TRAK1: variants seen among roughly 807,000 people sequenced by gnomAD.
TRAK1 encodes the protein trafficking kinesin protein 1.
TRAK1 carries 33 observed loss-of-function variants against 92.1 expected under a neutral mutation model. That is an observed-to-expected ratio of 0.36 (90% CI 0.27 to 0.48). The LOEUF is 0.48. Among genes scored for constraint, TRAK1 ranks in the 20% least tolerant of loss-of-function variants. The pLI is 0.99. For synonymous variants in TRAK1, 521 were observed against 517.3 expected (o/e 1.01, Z -0.10); for missense variants, 1,123 against 1,257.9 (o/e 0.89, Z 1.62).
chr3:42,204,248 A>G (rs902425938), intron 13 of TRAK1: 1 of 985,506 alleles, frequency 1.0e-6, no homozygotes, highest in Non-Finnish European at 1.2e-6. Flanking sequence ...GGAATTTATC[A>G]TCTCTGTCTT....
At chr3:42,056,152 CT>C (rs1008363461) in intron 1 of TRAK1, among the ~76,000 whole-genome samples, 45 of 152,124 alleles carry the variant, frequency 3.0e-4, no homozygotes, top group African/African-American at 1.0e-3. Context: ...CATCTGTAGA[CT>C]TTTTTTTATT....
intron 2 of TRAK1, chr3:42,151,439 A>G (rs974263500): frequency 1.8e-5 from 8 of 441,242 alleles, no homozygotes; most frequent in African/African-American, 1.0e-4. Flanking sequence ...AAGGGTAAAT[A>G]TATTGATTTA....
chr3:42,069,246 G>A (rs888943624), intron 1 of TRAK1, among the ~76,000 whole-genome samples: 2 of 151,242 alleles, frequency 1.3e-5, no homozygotes, highest in African/African-American at 4.9e-5. Flanking sequence ...GCTTTAGCCC[G>A]GGAGGTCAAG....
At chr3:42,164,528 C>T (rs904063701) in intron 2 of TRAK1, among the ~76,000 whole-genome samples, 4 of 152,202 alleles carry the variant, frequency 2.6e-5, no homozygotes. Flanking sequence ...CTTTGCCCTG[C>T]CTTGTGGGGT....
upstream of TRAK1, among the ~76,000 whole-genome samples, chr3:42,084,127 A>G (rs1014378431): frequency 2.6e-5 from 4 of 152,138 alleles, no homozygotes; most frequent in African/African-American, 9.7e-5. Context: ...TCATTTTAAA[A>G]TTAATGTTTT....
At chr3:42,164,139 C>T (rs1303693118) in intron 2 of TRAK1, among the ~76,000 whole-genome samples, 1 of 152,174 alleles carries the variant, frequency 6.6e-6, no homozygotes, top group Non-Finnish European at 1.5e-5. Flanking sequence ...CCACCTTTGT[C>T]CTGAGTTCAC....
rs114477661 is a variant in TRAK1 at position 42,170,485 on chromosome 3, G to A, written c.287-6329G>A. Among the ~76,000 whole-genome samples the A allele has an allele frequency of 8.2e-3, 1,248 of 152,290 alleles. 15 individuals carry two copies. Among genetic ancestry groups the A allele is most frequent in the African/African-American group, 0.027 (1,139 of 41,546 alleles). On this transcript the variant is annotated intron_variant, in intron 2 of 15. Coordinates refer to ENST00000327628, the MANE Select transcript of TRAK1 (RefSeq NM_001042646.3). ...CTGACAGCTGCTGCTGCTATCAAAA[G>A]CGAGAGGTAATCAACTGGTTTGTGG...
At chr3:42,112,427 CA>C (rs1234749500) in intron 1 of TRAK1, among the ~76,000 whole-genome samples, 18 of 138,312 alleles carry the variant, frequency 1.3e-4, no homozygotes, top group Non-Finnish European at 9.4e-5. Flanking sequence ...GACTCCATCT[CA>C]AAAAAAAAAG....
At chr3:42,075,605 T>C (rs1320451058) in intron 1 of TRAK1, among the ~76,000 whole-genome samples, 2 of 152,214 alleles carry the variant, frequency 1.3e-5, no homozygotes, top group Non-Finnish European at 2.9e-5. Flanking sequence ...AATACATTTC[T>C]ACCAGCAGTG....
At chr3:42,055,185 G>T (rs1024896622) in intron 1 of TRAK1, among the ~76,000 whole-genome samples, 1 of 152,024 alleles carries the variant, frequency 6.6e-6, no homozygotes, top group Admixed American at 6.6e-5. Flanking sequence ...CTCCCAAAGT[G>T]CTGGGATTAC....
intron 3 of TRAK1, among the ~76,000 whole-genome samples, chr3:42,183,855 A>C (rs1475833151): frequency 6.6e-6 from 1 of 152,182 alleles, no homozygotes; most frequent in Non-Finnish European, 1.5e-5. Flanking sequence ...GCATTTGCTG[A>C]TGGCGTCTGT....
chr3:42,174,406 C>T (rs1702933976), intron 2 of TRAK1, among the ~76,000 whole-genome samples: 1 of 152,096 alleles, frequency 6.6e-6, no homozygotes, highest in Non-Finnish European at 1.5e-5. Context: ...TGGATTGTAT[C>T]AGTGCTGATA....
intron 3 of TRAK1, among the ~76,000 whole-genome samples, chr3:42,179,323 CTG>C (rs1324533479): frequency 2.0e-5 from 3 of 152,228 alleles, no homozygotes; most frequent in Non-Finnish European, 4.4e-5. Context: ...GGCTTTGGCT[CTG>C]TTTCTTCTGT....
chr3:42,079,511 T>C (rs1186661169), intron 1 of TRAK1, among the ~76,000 whole-genome samples: 1 of 146,864 alleles, frequency 6.8e-6, no homozygotes, highest in Non-Finnish European at 1.5e-5. Flanking sequence ...GATAGAGTCT[T>C]GCTGTCTTGC....
chr3:42,144,106 C>G (rs1699034148), intron 2 of TRAK1, among the ~76,000 whole-genome samples: 1 of 152,112 alleles, frequency 6.6e-6, no homozygotes, highest in Admixed American at 6.5e-5. Context: ...CGCTCCCTAC[C>G]TCACCCCACC....
chr3:42,059,983 G>T (rs1703358942), intron 1 of TRAK1, among the ~76,000 whole-genome samples: 1 of 152,208 alleles, frequency 6.6e-6, no homozygotes, highest in Non-Finnish European at 1.5e-5. Context: ...GAAAGTGCTT[G>T]TTTGATATTA....
intron 2 of TRAK1, among the ~76,000 whole-genome samples, chr3:42,135,348 T>C (rs879647824): frequency 6.6e-6 from 1 of 152,200 alleles, no homozygotes; most frequent in Non-Finnish European, 1.5e-5. Flanking sequence ...AGGTACTCCT[T>C]GTTGACCTCT....
intron 1 of TRAK1, among the ~76,000 whole-genome samples, chr3:42,048,641 G>A (rs1702857679): frequency 2.0e-5 from 3 of 146,606 alleles, no homozygotes; most frequent in African/African-American, 7.6e-5. Flanking sequence ...TCAGCTCACT[G>A]CAACCTCCAC....
At chr3:42,176,715 A>C in intron 2 of TRAK1, 99 bp from the exon 3 acceptor site, 1 of 1,042,430 alleles carries the variant, frequency 9.6e-7, no homozygotes, top group Non-Finnish European at 1.5e-6. Flanking sequence ...CTCTGTGTCT[A>C]ATGTGCAGGC....
Sources: gnomAD v4.1 joint callset for allele counts (sites outside exome capture counted in the v4.1 genomes callset) on GRCh38, gnomAD v4.1.1 for gene constraint, MANE v1.5 for transcripts, NCBI Gene and HGNC (gene_info 2026-07-23, HGNC 2026-07-21) for gene names.